Variants in PRDM16 observed in about 807,000 individuals in gnomAD.
The protein encoded by PRDM16 is histone-lysine N-methyltransferase PRDM16.
PRDM16 carries 23 observed loss-of-function variants against 110.6 expected under a neutral mutation model. The observed-to-expected ratio is 0.21, with a 90% CI of 0.15 to 0.29. The LOEUF is 0.29. Ranked by LOEUF, PRDM16 falls within the 10% of genes least tolerant of loss-of-function variation. The pLI is 1.00. For synonymous variants in PRDM16, 799 were observed against 781.8 expected (o/e 1.02, Z -0.37); for missense variants, 1,615 against 1,794.3 (o/e 0.90, Z 1.81).
At chr1:3,187,005 A>ATGGC (rs1402801655) in intron 2 of PRDM16, among the ~76,000 whole-genome samples, 1 of 152,286 alleles carries the variant, frequency 6.6e-6, no homozygotes, top group African/African-American at 2.4e-5. Context: ...CCAGGGAGGG[A>ATGGC]TGGCTGGCTG....
intron 1 of PRDM16, among the ~76,000 whole-genome samples, chr1:3,114,189 AC>A (rs1370430156): frequency 1.2e-5 from 1 of 86,488 alleles, no homozygotes; most frequent in Non-Finnish European, 2.3e-5. Flanking sequence ...ACACACGCAC[AC>A]ACGCACACGC....
intron 1 of PRDM16, among the ~76,000 whole-genome samples, chr1:3,117,335 G>C (rs1256193492): frequency 1.3e-5 from 2 of 152,194 alleles, no homozygotes; most frequent in African/African-American, 4.8e-5. Flanking sequence ...TCGGAAATTG[G>C]ATTAGACCGT....
chr1:3,242,345 A>G (rs1470865742), intron 2 of PRDM16, among the ~76,000 whole-genome samples: 2 of 152,222 alleles, frequency 1.3e-5, no homozygotes, highest in African/African-American at 4.8e-5. Context: ...TTTAACTGGC[A>G]ACAAGATCCA....
At chr1:3,407,156 A>T (rs1221781184) in intron 8 of PRDM16, among the ~76,000 whole-genome samples, 1 of 152,130 alleles carries the variant, frequency 6.6e-6, no homozygotes, top group African/African-American at 2.4e-5. Context: ...GTTCTTGCTG[A>T]TGTGGGACCA....
rs1486841276 is a variant in PRDM16 at position 3,359,392 on chromosome 1, A to G, written c.439-25760A>G. ...CTCCCTTCCGACCAGGGCCTGAGGC[A>G]GAGCTTCCAGAGACCCTGCACATGG... On this transcript the variant is annotated intron_variant, in intron 3 of 16. Coordinates refer to ENST00000270722, the MANE Select transcript of PRDM16 (RefSeq NM_022114.4). The surrounding 1 kb of genome is among the most constrained non-coding windows in gnomAD (Gnocchi z 4.3). Among the ~76,000 whole-genome samples, 1 of 152,208 alleles carries G rather than the reference A, an allele frequency of 6.6e-6. No homozygotes were observed. The highest frequency in any genetic ancestry group is 1.5e-5 in the Non-Finnish European group (1 of 68,036).
At position 3,080,680 on chromosome 1, in the gene PRDM16, CTT is replaced by C. The variant is rs1181041004; in HGVS notation, c.37+11385_37+11386del. Among the ~76,000 whole-genome samples, 1 of 152,176 alleles carries C rather than the reference CTT, an allele frequency of 6.6e-6. No homozygotes were observed. The highest frequency in any genetic ancestry group is 2.4e-5 in the African/African-American group (1 of 41,438). ...AGCTTGCAGCCTGAGAAAAAGCAAA[CTT>C]GAGCAAAGCCAGCTTGCTCTCCCCC... is the stretch of plus-strand genomic sequence containing the variant. On this transcript the variant is annotated intron_variant, in intron 1 of 16. Transcript: ENST00000270722. The surrounding 1 kb of genome is among the most constrained non-coding windows in gnomAD (Gnocchi z 5.2).
At chr1:3,411,269 A>G (rs1187095212) in intron 8 of PRDM16, 115 bp from the exon 9 acceptor site, 4 of 1,095,766 alleles carry the variant, frequency 3.7e-6, no homozygotes, top group Non-Finnish European at 5.3e-6. Flanking sequence ...GACTGCTTCC[A>G]GCCCCAGCCT....
At chr1:3,173,360 G>A (rs1397343376) in intron 1 of PRDM16, among the ~76,000 whole-genome samples, 1 of 152,234 alleles carries the variant, frequency 6.6e-6, no homozygotes, top group Non-Finnish European at 1.5e-5. Context: ...GGCGATGGAG[G>A]CGGCGAGGAA....
intron 1 of PRDM16, among the ~76,000 whole-genome samples, chr1:3,158,084 T>TA (rs1643871815): frequency 1.3e-5 from 2 of 152,230 alleles, no homozygotes; most frequent in South Asian, 4.1e-4. Flanking sequence ...ATCATATAGA[T>TA]AGACACACAT....
At chr1:3,289,804 G>A (rs1557584691) in intron 3 of PRDM16, among the ~76,000 whole-genome samples, 1 of 152,112 alleles carries the variant, frequency 6.6e-6, no homozygotes, top group Non-Finnish European at 1.5e-5. Context: ...CAGGGCAAAG[G>A]ATGGAAAGAA....
At chr1:3,174,399 T>C (rs965095369) in intron 1 of PRDM16, among the ~76,000 whole-genome samples, 1 of 152,156 alleles carries the variant, frequency 6.6e-6, no homozygotes, top group Admixed American at 6.5e-5. Context: ...GGTGACATCA[T>C]TCAACTGGTT....
intron 2 of PRDM16, among the ~76,000 whole-genome samples, chr1:3,220,081 G>T (rs987439380): frequency 2.0e-5 from 3 of 152,192 alleles, no homozygotes; most frequent in Non-Finnish European, 2.9e-5. Flanking sequence ...ATCTAAATGG[G>T]TTTGCCTGCA....
rs1638590563 is a variant in PRDM16, at chr1:3,425,931, G to A, written c.3110-120G>A. 2 of 1,289,824 alleles carry A rather than the reference G, an allele frequency of 1.6e-6. No homozygotes were observed. Among genetic ancestry groups the A allele is most frequent in the Non-Finnish European group, 2.1e-6 (2 of 947,696 alleles). The allele number at this position is 1,289,824 out of a possible 1,614,324, so 79.9% of individuals were successfully genotyped here. ...TAAAGAGAACCTCGTGCTCTCCGGT[G>A]TCCCTAAGAAACCTGCCTCCCTAAC... is the stretch of plus-strand genomic sequence containing the variant. On this transcript the variant is annotated intron_variant, in intron 13 of 16. Transcript: ENST00000270722. This position sits in a 1 kb window ranked among gnomAD's most constrained non-coding sequence, Gnocchi z 6.9.
chr1:3,310,894 A>ACGTGGG (rs1641438277), intron 3 of PRDM16, among the ~76,000 whole-genome samples: 3 of 148,638 alleles, frequency 2.0e-5, no homozygotes, highest in African/African-American at 7.5e-5. Flanking sequence ...TGTGTGTGAG[A>ACGTGGG]CATGTGGGCA....
intron 3 of PRDM16, among the ~76,000 whole-genome samples, chr1:3,368,293 G>A (rs913809438): frequency 2.0e-5 from 3 of 152,208 alleles, no homozygotes; most frequent in Non-Finnish European, 1.5e-5. Context: ...GCCAGGCTCC[G>A]ACACCTCTGT....
In PRDM16 at chr1:3,243,733, G is replaced by A. The variant is rs909944812; in HGVS notation, c.388-354G>A. 6.6e-6 allele frequency among the ~76,000 whole-genome samples: 1 copy of A among 152,238 alleles called. No individual in the cohort carries two copies. Among genetic ancestry groups the A allele is most frequent in the African/African-American group, 2.4e-5 (1 of 41,460 alleles). On this transcript the variant is annotated intron_variant, in intron 2 of 16. Transcript: ENST00000270722. This position sits in a 1 kb window ranked among gnomAD's most constrained non-coding sequence, Gnocchi z 5.5. Reference sequence around the variant, plus strand: ...GGGTGTCCATGCGCTCCTCCCAGATGGTTCTCATAAATAATATGAATGGCT... The same window carrying A: ...GGGTGTCCATGCGCTCCTCCCAGATAGTTCTCATAAATAATATGAATGGCT...
intron 3 of PRDM16, among the ~76,000 whole-genome samples, chr1:3,304,039 C>G (rs1641260444): frequency 6.7e-6 from 1 of 149,164 alleles, no homozygotes; most frequent in Non-Finnish European, 1.5e-5. Flanking sequence ...CAGCCAAGCC[C>G]TGGTGTGCAT....
intron 3 of PRDM16, among the ~76,000 whole-genome samples, chr1:3,323,817 T>A (rs1044673495): frequency 1.3e-5 from 2 of 152,226 alleles, no homozygotes; most frequent in Non-Finnish European, 2.9e-5. Flanking sequence ...CCTGTGACAA[T>A]GTGACGGCTT....
chr1:3,170,592 G>A (rs958445610), intron 1 of PRDM16, among the ~76,000 whole-genome samples: 2 of 152,192 alleles, frequency 1.3e-5, no homozygotes, highest in Non-Finnish European at 2.9e-5. Context: ...GGGGAGTCAG[G>A]CCTCAAAGGC....
Sources: allele counts gnomAD v4.1 joint callset (sites outside exome capture counted in the v4.1 genomes callset), GRCh38; gene constraint gnomAD v4.1.1; non-coding constraint Gnocchi (gnomAD v3.1); transcripts MANE v1.5; gene names NCBI Gene and HGNC (gene_info 2026-07-23, HGNC 2026-07-21).